The following CBFA2T3 variants were observed in gnomAD, a reference collection of about 807,000 sequenced individuals.
CBFA2T3 encodes transcriptional corepressor CBFA2T3.
A neutral mutation model predicts 58.6 loss-of-function variants in CBFA2T3; 31 were observed. The observed-to-expected ratio is 0.53, with a 90% CI of 0.40 to 0.71. The LOEUF (loss-of-function observed/expected upper bound fraction) is 0.71, where lower values mean the gene tolerates loss of function less well. Ranked by LOEUF, CBFA2T3 falls within the 30% of genes least tolerant of loss-of-function variation. The pLI is 0.00. For missense variants in CBFA2T3, 1,076 were observed against 963.1 expected, an observed-to-expected ratio of 1.12 and a Z score of -1.55; for synonymous variants, 531 against 421.9, an observed-to-expected ratio of 1.26 and a Z score of -3.17.
At chr16:88,920,653 G>A (rs1970882608) in intron 1 of CBFA2T3, among the ~76,000 whole-genome samples, 1 of 152,182 alleles carries the variant, frequency 6.6e-6, no homozygotes, top group African/African-American at 2.4e-5. Flanking sequence ...GGAGTGGCAG[G>A]AGGCCCCACC....
rs558762724 is a variant in CBFA2T3 at position 88,927,750 on chromosome 16, C to T, written c.152-26094G>A. Among the ~76,000 whole-genome samples the T allele has an allele frequency of 3.8e-3, 576 of 152,274 alleles. 5 individuals carry two copies. Among genetic ancestry groups the T allele is most frequent in the African/African-American group, 0.013 (540 of 41,546 alleles). On this transcript the variant is annotated intron_variant, in intron 1 of 11. Transcript: ENST00000268679. ...GGCCCCGGAGGCCCAGCTGGCCGTC[C>T]GCCCGTGCGGACACCCGGGAGCCAA... is the stretch of plus-strand genomic sequence containing the variant.
At chr16:88,910,144 C>T (rs893224198) in intron 1 of CBFA2T3, among the ~76,000 whole-genome samples, 4 of 152,260 alleles carry the variant, frequency 2.6e-5, no homozygotes, top group Admixed American at 6.5e-5. Flanking sequence ...CTCGGTCACT[C>T]GCCGCACTTG....
At chr16:88,887,891 G>C (rs573028624) in intron 5 of CBFA2T3, among the ~76,000 whole-genome samples, 1 of 152,326 alleles carries the variant, frequency 6.6e-6, no homozygotes, top group Non-Finnish European at 1.5e-5. Flanking sequence ...CGGCGGCGGT[G>C]GCTGAGGCAC....
At chr16:88,928,852 A>C (rs551780087) in intron 1 of CBFA2T3, among the ~76,000 whole-genome samples, 6 of 152,358 alleles carry the variant, frequency 3.9e-5, no homozygotes, top group African/African-American at 9.6e-5. Flanking sequence ...GAAGGAGGGC[A>C]GCTGGGAGCC....
At chr16:88,925,015 C>T (rs909235189) in intron 1 of CBFA2T3, among the ~76,000 whole-genome samples, 4 of 152,372 alleles carry the variant, frequency 2.6e-5, no homozygotes, top group South Asian at 2.1e-4. Flanking sequence ...AAGCCCAGGG[C>T]TTGCTGTGTC....
chr16:88,894,382 TAC>T (rs1464446208), intron 3 of CBFA2T3, among the ~76,000 whole-genome samples: 4 of 102,854 alleles, frequency 3.9e-5, no homozygotes, highest in Admixed American at 3.0e-4. Context: ...GCACACAATG[TAC>T]ACACATGCAC....
intron 1 of CBFA2T3, among the ~76,000 whole-genome samples, chr16:88,930,123 T>C (rs1414090724): frequency 6.9e-6 from 1 of 143,892 alleles, no homozygotes; most frequent in Admixed American, 6.8e-5. Flanking sequence ...TACCCAGAGC[T>C]GCATGGTCCA....
intron 1 of CBFA2T3, among the ~76,000 whole-genome samples, chr16:88,964,905 C>T (rs1972457021): frequency 7.1e-6 from 1 of 140,658 alleles, no homozygotes; most frequent in East Asian, 2.3e-4. Flanking sequence ...ACCATCTATC[C>T]ACTTATCCAT....
chr16:88,886,383 G>T, intron 5 of CBFA2T3: 1 of 389,192 alleles, frequency 2.6e-6, no homozygotes, highest in Non-Finnish European at 4.6e-6. Flanking sequence ...CGGCGATGTG[G>T]GGCATGTGGG....
At chr16:88,968,371 G>C (rs1384592001) in intron 1 of CBFA2T3, among the ~76,000 whole-genome samples, 1 of 152,222 alleles carries the variant, frequency 6.6e-6, no homozygotes, top group Non-Finnish European at 1.5e-5. Context: ...AGGTGGGGAC[G>C]GCCCCTTGCA....
At chr16:88,914,219 A>T (rs943979813) in intron 1 of CBFA2T3, among the ~76,000 whole-genome samples, 3 of 152,166 alleles carry the variant, frequency 2.0e-5, no homozygotes, top group African/African-American at 7.2e-5. Flanking sequence ...GAAAATTCAG[A>T]ATCAGGCAGC....
rs1358287216 is a variant in CBFA2T3, at chr16:88,880,767, G to A, written c.1424C>T (p.Pro475Leu). The change falls in exon 10 of 12, where the codon CCG becomes CTG. Residue 475 changes from proline (P) to leucine (L), a missense_variant. Pro to Leu is a moderately conservative substitution (Grantham distance 98). Coordinates refer to ENST00000268679, the MANE Select transcript of CBFA2T3 (RefSeq NM_005187.6). ...PQLDVPREFL[P>L]RTLTGYVPED... Reference sequence around the variant, plus strand: ...AGGCACGTAGCCGGTGAGGGTCCTCGGCAGGAACTCGCGAGGCACGTCTGA... The same window carrying A: ...AGGCACGTAGCCGGTGAGGGTCCTCAGCAGGAACTCGCGAGGCACGTCTGA... 1.5e-5 allele frequency: 23 copies of A among 1,585,372 alleles called. No homozygotes were observed. The highest frequency in any genetic ancestry group is 5.3e-5 in the Admixed American group (3 of 57,056).
chr16:88,946,653 T>G (rs1971910266), intron 1 of CBFA2T3, among the ~76,000 whole-genome samples: 1 of 152,036 alleles, frequency 6.6e-6, no homozygotes, highest in South Asian at 2.1e-4. Flanking sequence ...CAGCTAATTT[T>G]TGTATTTTTA....
At position 88,876,266 on chromosome 16, in the gene CBFA2T3, A is replaced by G. The variant is rs1199832450; in HGVS notation, c.*710T>C. The G allele has an allele frequency of 8.7e-6, 2 of 228,814 alleles. No individual in the cohort carries two copies. The highest frequency in any genetic ancestry group is 5.7e-5 in the Admixed American group (1 of 17,624). 14.2% of individuals were successfully genotyped at this position (228,814 alleles called of 1,614,324 possible). On this transcript the variant is annotated 3_prime_UTR_variant, in exon 12 of 12. Transcript: ENST00000268679. The stretch of plus-strand genomic sequence containing the variant: ...AAAAAAACTTTTTGGATTTTTACTT[A>G]AAGCCAAAGAGTTTAACATTACAGG...
intron 1 of CBFA2T3, among the ~76,000 whole-genome samples, chr16:88,909,937 C>A (rs1970474925): frequency 6.6e-6 from 1 of 152,198 alleles, no homozygotes; most frequent in South Asian, 2.1e-4. Context: ...TTCTGGGGAA[C>A]CAGAGGGACG....
At chr16:88,909,604 G>A (rs1467212584) in intron 1 of CBFA2T3, among the ~76,000 whole-genome samples, 1 of 152,212 alleles carries the variant, frequency 6.6e-6, no homozygotes, top group Non-Finnish European at 1.5e-5. Flanking sequence ...GGACGCCACT[G>A]CTTTAAACAG....
intron 1 of CBFA2T3, chr16:88,950,327 A>T (rs12930980): frequency 0.085 from 19,146 of 224,236 alleles, 3,933 homozygotes; most frequent in Middle Eastern, 0.12. Context: ...CTTCCGGGTC[A>T]GTTCACCCGT....
At chr16:88,902,934 G>A (rs1970157500) in intron 1 of CBFA2T3, among the ~76,000 whole-genome samples, 1 of 152,060 alleles carries the variant, frequency 6.6e-6, no homozygotes, top group South Asian at 2.1e-4. Flanking sequence ...CCCTCCTCCT[G>A]TTAACACCTG....
rs753316173 is a variant in CBFA2T3, at chr16:88,885,279, A to G, written c.894-10T>C. The G allele has an allele frequency of 2.0e-6, 3 of 1,521,608 alleles. No individual in the cohort carries two copies. The highest frequency in any genetic ancestry group is 2.5e-5 in the South Asian group (2 of 78,850). The allele number at this position is 1,521,608 out of a possible 1,614,324, so 94.3% of individuals were successfully genotyped here. On this transcript the variant is annotated splice_polypyrimidine_tract_variant and intron_variant, in intron 6 of 11. Coordinates refer to ENST00000268679, the MANE Select transcript of CBFA2T3 (RefSeq NM_005187.6). This position sits in a 1 kb window ranked among gnomAD's most constrained non-coding sequence, Gnocchi z 5.3. ...CCCGTTCTCTTTGGTCCTAGCCCCA[A>G]GAGCAGGTGGGGCGAGGGCAGTGGA...
Sources: allele counts gnomAD v4.1 joint callset (sites outside exome capture counted in the v4.1 genomes callset), GRCh38; gene constraint gnomAD v4.1.1; non-coding constraint Gnocchi (gnomAD v3.1); transcripts MANE v1.5; gene names NCBI Gene and HGNC (gene_info 2026-07-23, HGNC 2026-07-21).